The following CFHR5 variants were observed in gnomAD, a reference collection of about 807,000 sequenced individuals.
CFHR5 encodes the protein complement factor H related 5.
A neutral mutation model predicts 62.9 loss-of-function variants in CFHR5; 73 were observed. The ratio of observed to expected loss-of-function variants is 1.16; its 90% confidence interval spans 0.96 to 1.41. The LOEUF (loss-of-function observed/expected upper bound fraction) is 1.41, where lower values mean the gene tolerates loss of function less well. Among genes scored for constraint, CFHR5 ranks in the 40% most tolerant of loss-of-function variants. CFHR5 has a pLI of 0.00. For missense variants in CFHR5, 779 were observed against 679.9 expected, an observed-to-expected ratio of 1.15 and a Z score of -1.62; for synonymous variants, 249 against 227.2, an observed-to-expected ratio of 1.10 and a Z score of -0.86.
rs370760497 is a variant in CFHR5, at chr1:197,002,621, T to C, written c.1287T>C (p.Ile429=). The C allele has an allele frequency of 1.2e-6, 2 of 1,613,628 alleles. No individual in the cohort carries two copies. Among genetic ancestry groups the C allele is most frequent in the Non-Finnish European group, 1.7e-6 (2 of 1,179,734 alleles). The stretch of plus-strand genomic sequence containing the variant: ...ATCTACTTCCAGAAGCAAAAGAAAT[T>C]GTATGTAAAGATGGACGATGGCAAT... ...ENYLLPEAKE[I]VCKDGRWQSL... Residue 429 remains isoleucine, a synonymous_variant, in exon 8 of 10, where the codon ATT becomes ATC. Transcript: ENST00000256785.
At chr1:196,982,712 T>C (rs970286996) in intron 1 of CFHR5, among the ~76,000 whole-genome samples, 173 bp from the exon 2 acceptor site, 1 of 152,138 alleles carries the variant, frequency 6.6e-6, no homozygotes, top group Non-Finnish European at 1.5e-5. Context: ...ACTCTTCTAT[T>C]CTTATTTAGG....
In CFHR5 at chr1:196,997,887, A is replaced by G. The variant is rs75338638; in HGVS notation, c.971-241A>G. ...TTCAGTCAAAACTCCCACTAGGAAA[A>G]CCTATCTTGCACTTTCATTTCCCAG... On this transcript the variant is annotated intron_variant, in intron 6 of 9. Coordinates refer to ENST00000256785, the MANE Select transcript of CFHR5 (RefSeq NM_030787.4). Among the ~76,000 whole-genome samples, 241 of 152,212 alleles carry G rather than the reference A, an allele frequency of 1.6e-3. 2 individuals are homozygous for G. The highest frequency in any genetic ancestry group is 5.5e-3 in the African/African-American group (230 of 41,524).
upstream of CFHR5, among the ~76,000 whole-genome samples, chr1:196,976,496 T>G (rs1653396388): frequency 1.3e-5 from 2 of 152,258 alleles, no homozygotes; most frequent in South Asian, 2.1e-4. Flanking sequence ...AGGGTTCAAC[T>G]TCTGAGCCAC....
chr1:196,990,628 G>C (rs1035506877), intron 3 of CFHR5, among the ~76,000 whole-genome samples: 1 of 152,054 alleles, frequency 6.6e-6, no homozygotes, highest in African/African-American at 2.4e-5. Flanking sequence ...CTTCACTTAT[G>C]AAGCTTAGTT....
intron 3 of CFHR5, among the ~76,000 whole-genome samples, chr1:196,989,883 G>A (rs1653795841): frequency 6.6e-6 from 1 of 152,102 alleles, no homozygotes; most frequent in Non-Finnish European, 1.5e-5. Context: ...ATGTCTATTA[G>A]GTCCGCTTGG....
At position 196,983,777 on chromosome 1, in the gene CFHR5, C is replaced by CAT. The variant is rs1558282567; in HGVS notation, c.254-184_254-183insAT. Among the ~76,000 whole-genome samples, 28 of 151,674 alleles carry CAT rather than the reference C, an allele frequency of 1.8e-4. No individual in the cohort carries two copies. In the East Asian group the frequency reaches 2.7e-3, roughly 15 times the overall value. On this transcript the variant is annotated intron_variant, in intron 2 of 9. Coordinates refer to ENST00000256785, the MANE Select transcript of CFHR5 (RefSeq NM_030787.4). Reference sequence around the variant, plus strand: ...AGCAACAACATGAAATATTAACTTTCGTATATATATATATAGGAACAAAAA... The same window carrying CAT: ...AGCAACAACATGAAATATTAACTTTCATGTATATATATATATAGGAACAAAAA...
chr1:197,002,752 A>C, intron 8 of CFHR5, 88 bp downstream of exon 8: 1 of 1,108,038 alleles, frequency 9.0e-7, no homozygotes, highest in South Asian at 1.3e-5. Context: ...AGAACTTATG[A>C]CTAATCTGTT....
At chr1:196,994,841 G>A (rs1389115520) in intron 4 of CFHR5, among the ~76,000 whole-genome samples, 3 of 152,118 alleles carry the variant, frequency 2.0e-5, no homozygotes, top group African/African-American at 4.8e-5. Flanking sequence ...GAAGGTGAAA[G>A]GCACATCTCG....
At chr1:196,981,834 TATAA>T (rs1182572458) in intron 1 of CFHR5, among the ~76,000 whole-genome samples, 1 of 152,066 alleles carries the variant, frequency 6.6e-6, no homozygotes, top group Non-Finnish European at 1.5e-5. Context: ...GTAAATACTA[TATAA>T]ATAATTGTTA....
chr1:197,004,846 G>A lies in CFHR5; in HGVS notation c.1513+3G>A. On this transcript the variant is annotated splice_donor_region_variant and intron_variant, in intron 9 of 9. Transcript: ENST00000256785. ...GTCAGAACCACCAAGATGCCTAGGT[G>A]AGTTCTTAATATTCTCTTGGAATCT... The A allele has an allele frequency of 6.2e-7, 1 of 1,602,256 alleles. No individual in the cohort carries two copies. The highest frequency in any genetic ancestry group is 8.6e-7 in the Non-Finnish European group (1 of 1,169,404).
chr1:196,999,515 G>A (rs1654076394), intron 7 of CFHR5, among the ~76,000 whole-genome samples: 1 of 150,708 alleles, frequency 6.6e-6, no homozygotes. Context: ...CTTTCATTTT[G>A]GGTAAGCAAA....
intron 3 of CFHR5, among the ~76,000 whole-genome samples, chr1:196,989,004 CT>C (rs200547783): frequency 6.6e-6 from 1 of 151,930 alleles, no homozygotes; most frequent in Admixed American, 6.6e-5. Flanking sequence ...TGGTCCTGAA[CT>C]TTTTTGGGTG....
intron 3 of CFHR5, 34 bp downstream of exon 3, chr1:196,984,171 T>A: frequency 6.4e-7 from 1 of 1,562,718 alleles, no homozygotes; most frequent in Non-Finnish European, 8.8e-7. Context: ...GTTTTGCTAA[T>A]TATTTAAAGA....
At chr1:196,986,522 TC>T (rs1653686811) in intron 3 of CFHR5, among the ~76,000 whole-genome samples, 1 of 151,894 alleles carries the variant, frequency 6.6e-6, no homozygotes. Context: ...CTCCCCTACC[TC>T]CCACCCTACA....
intron 7 of CFHR5, among the ~76,000 whole-genome samples, chr1:197,001,486 A>T (rs1172565226): frequency 2.6e-5 from 4 of 152,122 alleles, no homozygotes; most frequent in African/African-American, 9.7e-5. Context: ...TTTAAATGAA[A>T]ATAGTATAGC....
At chr1:196,989,785 T>A (rs1328467517) in intron 3 of CFHR5, among the ~76,000 whole-genome samples, 1 of 152,148 alleles carries the variant, frequency 6.6e-6, no homozygotes, top group East Asian at 1.9e-4. Context: ...GTGCTTTACT[T>A]CCAACTATGT....
chr1:196,976,100 T>C (rs141362797), upstream of CFHR5, among the ~76,000 whole-genome samples: 436 of 152,204 alleles, frequency 2.9e-3, 4 homozygotes, highest in Admixed American at 0.021. Flanking sequence ...ATACTTTAGG[T>C]AGTGTAGTAA....
chr1:196,998,352 GA>G, intron 7 of CFHR5, 48 bp downstream of exon 7: 1 of 1,429,112 alleles, frequency 7.0e-7, no homozygotes, highest in East Asian at 2.3e-5. Context: ...TTCTTTACAA[GA>G]AAAATTATTT....
intron 6 of CFHR5, among the ~76,000 whole-genome samples, chr1:196,996,844 C>T (rs1654002335): frequency 6.6e-6 from 1 of 151,154 alleles, no homozygotes; most frequent in Admixed American, 6.6e-5. Flanking sequence ...CGGTTTCCTC[C>T]ACAGAAGTAG....
Sources: allele counts gnomAD v4.1 joint callset (sites outside exome capture counted in the v4.1 genomes callset), GRCh38; gene constraint gnomAD v4.1.1; transcripts MANE v1.5; gene names NCBI Gene and HGNC (gene_info 2026-07-23, HGNC 2026-07-21).